GPC6: variants seen among roughly 807,000 people sequenced by gnomAD.
GPC6 encodes glypican 6.
A neutral mutation model predicts 55.2 loss-of-function variants in GPC6; 14 were observed. That is an observed-to-expected ratio of 0.25 (90% CI 0.17 to 0.40). The LOEUF is 0.40. Among genes scored for constraint, GPC6 ranks in the 10% least tolerant of loss-of-function variants. The pLI is 1.00. For synonymous variants in GPC6, 278 were observed against 259.6 expected (o/e 1.07, Z -0.68); for missense variants, 641 against 708.5 (o/e 0.90, Z 1.08).
At chr13:94,372,456 G>T (rs142190581) in intron 6 of GPC6, among the ~76,000 whole-genome samples, 1 of 152,024 alleles carries the variant, frequency 6.6e-6, no homozygotes, top group South Asian at 2.1e-4. Flanking sequence ...GGTGACTGAC[G>T]GCACCTGGAA....
At chr13:93,233,220 G>T (rs1355617939) in intron 1 of GPC6, among the ~76,000 whole-genome samples, 1 of 151,794 alleles carries the variant, frequency 6.6e-6, no homozygotes, top group Non-Finnish European at 1.5e-5. Flanking sequence ...GTAATAAAGG[G>T]TTCCATAGTG....
At chr13:93,748,569 TG>T (rs1194675157) in intron 2 of GPC6, among the ~76,000 whole-genome samples, 5 of 152,268 alleles carry the variant, frequency 3.3e-5, no homozygotes, top group African/African-American at 1.2e-4. Context: ...TTGCCGTTTA[TG>T]GCTTCATATG....
chr13:94,136,435 G>A (rs546871846), intron 4 of GPC6, among the ~76,000 whole-genome samples: 8 of 152,202 alleles, frequency 5.3e-5, no homozygotes, highest in Non-Finnish European at 1.2e-4. Flanking sequence ...CTTTTGCTGG[G>A]CGCGGTGGCT....
intron 2 of GPC6, among the ~76,000 whole-genome samples, chr13:93,563,214 A>G (rs539348807): frequency 1.5e-4 from 23 of 152,270 alleles, no homozygotes; most frequent in Admixed American, 1.2e-3. Flanking sequence ...TATGAAAAAA[A>G]ATGAAAATCT....
intron 1 of GPC6, among the ~76,000 whole-genome samples, chr13:93,234,557 G>A (rs1487860531): frequency 6.6e-6 from 1 of 152,186 alleles, no homozygotes; most frequent in African/African-American, 2.4e-5. Flanking sequence ...GACTAGAGTG[G>A]TGACCATGGA....
At chr13:94,303,734 T>C (rs1875785100) in intron 5 of GPC6, among the ~76,000 whole-genome samples, 1 of 137,196 alleles carries the variant, frequency 7.3e-6, no homozygotes, top group African/African-American at 2.8e-5. Context: ...CTATATTGAC[T>C]AACCTATGTT....
At chr13:93,521,074 A>G (rs946799136) in intron 1 of GPC6, among the ~76,000 whole-genome samples, 1 of 152,024 alleles carries the variant, frequency 6.6e-6, no homozygotes, top group Non-Finnish European at 1.5e-5. Context: ...GTATTTAAGA[A>G]GTAATTTCAT....
chr13:93,699,519 A>G lies in GPC6; in HGVS notation c.320-130635A>G, dbSNP rs1264916444. Among the ~76,000 whole-genome samples, 4 of 152,244 alleles carry G rather than the reference A, an allele frequency of 2.6e-5. No homozygotes were observed. The South Asian group carries it at 6.2e-4, about 24-fold the overall frequency. ...ATTAAAGTGTCATCTTGATAGACCC[A>G]TAGTCCTAAATCATGCCTGATTTCC... On this transcript the variant is annotated intron_variant, in intron 2 of 8. Coordinates refer to ENST00000377047, the MANE Select transcript of GPC6 (RefSeq NM_005708.5).
intron 6 of GPC6, among the ~76,000 whole-genome samples, chr13:94,347,645 A>G (rs1024093830): frequency 6.6e-6 from 1 of 152,258 alleles, no homozygotes; most frequent in Non-Finnish European, 1.5e-5. Flanking sequence ...AATATGAATG[A>G]GGCCATTGGA....
intron 4 of GPC6, among the ~76,000 whole-genome samples, chr13:94,168,007 A>C (rs1888425948): frequency 6.6e-6 from 1 of 152,258 alleles, no homozygotes; most frequent in Non-Finnish European, 1.5e-5. Flanking sequence ...ATGCTTATAT[A>C]ATATTTAGCT....
At chr13:93,287,518 A>G (rs1265484261) in intron 1 of GPC6, among the ~76,000 whole-genome samples, 1 of 152,240 alleles carries the variant, frequency 6.6e-6, no homozygotes, top group African/African-American at 2.4e-5. Context: ...GTTACTGGGC[A>G]TGCCTTTGTT....
chr13:93,798,574 A>G (rs893642794), intron 2 of GPC6, among the ~76,000 whole-genome samples: 2 of 152,202 alleles, frequency 1.3e-5, no homozygotes, highest in African/African-American at 4.8e-5. Context: ...CTTCCCTGAA[A>G]AAAGCACATA....
rs746820431 is a variant in GPC6 at position 93,996,490 on chromosome 13, G to T, written c.712-31239G>T. Among the ~76,000 whole-genome samples, 5 of 151,898 alleles carry T rather than the reference G, an allele frequency of 3.3e-5. No homozygotes were observed. In the East Asian group the frequency reaches 9.7e-4, roughly 29 times the overall value. On this transcript the variant is annotated intron_variant, in intron 3 of 8. Coordinates refer to ENST00000377047, the MANE Select transcript of GPC6 (RefSeq NM_005708.5). ...AGTGACATTCTAACATTGAGGCTTC[G>T]AGTCCTTAGGTGCATGGACCGGGGA...
chr13:93,279,999 A>T (rs184330033), intron 1 of GPC6, among the ~76,000 whole-genome samples: 11 of 152,344 alleles, frequency 7.2e-5, no homozygotes, highest in African/African-American at 2.4e-4. Flanking sequence ...TGACGAAAGA[A>T]TTGAGAGGTA....
intron 3 of GPC6, among the ~76,000 whole-genome samples, chr13:93,989,080 A>G (rs1881170144): frequency 6.6e-6 from 1 of 151,998 alleles, no homozygotes; most frequent in South Asian, 2.1e-4. Context: ...ATACAATTGG[A>G]AAAAAAAGTG....
chr13:93,802,919 AC>A (rs1482048714), intron 2 of GPC6, among the ~76,000 whole-genome samples: 3 of 152,162 alleles, frequency 2.0e-5, no homozygotes, highest in Non-Finnish European at 4.4e-5. Context: ...TCCAGACTAA[AC>A]TTTTATCATC....
At chr13:93,461,063 G>A (rs1409515733) in intron 1 of GPC6, among the ~76,000 whole-genome samples, 1 of 152,080 alleles carries the variant, frequency 6.6e-6, no homozygotes, top group East Asian at 1.9e-4. Flanking sequence ...TTGCAGTGGT[G>A]GATTCAAAGC....
At chr13:94,014,514 T>A (rs1882380255) in intron 3 of GPC6, among the ~76,000 whole-genome samples, 1 of 152,186 alleles carries the variant, frequency 6.6e-6, no homozygotes, top group African/African-American at 2.4e-5. Context: ...AACAGCTTTA[T>A]CAAGATACAT....
intron 1 of GPC6, among the ~76,000 whole-genome samples, chr13:93,231,411 A>ATATACG (rs1566533702): frequency 2.6e-5 from 1 of 37,856 alleles, no homozygotes; most frequent in African/African-American, 1.1e-4. Context: ...ATATATATAT[A>ATATACG]TATATATATA....
Sources: gnomAD v4.1 joint callset for allele counts (sites outside exome capture counted in the v4.1 genomes callset) on GRCh38, gnomAD v4.1.1 for gene constraint, MANE v1.5 for transcripts, NCBI Gene and HGNC (gene_info 2026-07-23, HGNC 2026-07-21) for gene names.